Variants in MDGA2 observed in about 807,000 individuals in gnomAD.
MDGA2 encodes MAM domain containing glycosylphosphatidylinositol anchor 2.
Under a neutral mutation model 117.8 loss-of-function variants are expected in MDGA2, and 40 were observed. The observed-to-expected ratio is 0.34, with a 90% CI of 0.26 to 0.44. The LOEUF is 0.44. Ranked by LOEUF, MDGA2 falls within the 20% of genes least tolerant of loss-of-function variation. The pLI is 1.00. For missense variants in MDGA2, 1,123 were observed against 1,250.6 expected (o/e 0.90, Z 1.54); for synonymous variants, 452 against 439.0 (o/e 1.03, Z -0.37).
intron 3 of MDGA2, among the ~76,000 whole-genome samples, chr14:47,144,884 A>C (rs967552360): frequency 4.0e-5 from 6 of 149,354 alleles, no homozygotes; most frequent in African/African-American, 7.5e-5. Flanking sequence ...TCCTGGCTTC[A>C]AGCGATCCTC....
intron 1 of MDGA2, among the ~76,000 whole-genome samples, chr14:47,426,698 T>TTATATA (rs10640741): frequency 2.0e-4 from 29 of 146,378 alleles, no homozygotes; most frequent in African/African-American, 6.9e-4. Flanking sequence ...TATATATCAT[T>TTATATA]TATATATATA....
chr14:47,621,263 C>T (rs1268782818), intron 1 of MDGA2, among the ~76,000 whole-genome samples: 1 of 152,086 alleles, frequency 6.6e-6, no homozygotes, highest in Non-Finnish European at 1.5e-5. Context: ...AATTACTATT[C>T]TCCCTTCTTC....
chr14:47,652,874 A>C (rs925915453), intron 1 of MDGA2, among the ~76,000 whole-genome samples: 9 of 152,174 alleles, frequency 5.9e-5, no homozygotes, highest in Admixed American at 2.0e-4. Flanking sequence ...ACTATAACTC[A>C]GAGTCAGAAA....
chr14:47,236,393 G>C (rs556188876), intron 2 of MDGA2, among the ~76,000 whole-genome samples: 32 of 152,168 alleles, frequency 2.1e-4, no homozygotes, highest in African/African-American at 7.0e-4. Flanking sequence ...AAGCCTAGTA[G>C]GAAATGTGTA....
chr14:47,082,453 G>A (rs1890742176), intron 6 of MDGA2, among the ~76,000 whole-genome samples: 1 of 151,958 alleles, frequency 6.6e-6, no homozygotes, highest in Non-Finnish European at 1.5e-5. Context: ...ATGGTCCAGA[G>A]TACTCGACTG....
intron 3 of MDGA2, among the ~76,000 whole-genome samples, chr14:47,210,890 G>A (rs1225714162): frequency 2.7e-5 from 4 of 148,954 alleles, no homozygotes; most frequent in Admixed American, 6.6e-5. Flanking sequence ...AGCCTGAGGG[G>A]GAGGATCCCT....
At chr14:46,977,188 C>G (rs766073128) in intron 8 of MDGA2, among the ~76,000 whole-genome samples, 31 of 151,540 alleles carry the variant, frequency 2.0e-4, no homozygotes, top group Admixed American at 1.9e-3. Flanking sequence ...AAAATTAACT[C>G]TAGAAATTTC....
chr14:46,899,807 G>A (rs949302550), intron 10 of MDGA2, among the ~76,000 whole-genome samples: 1 of 151,988 alleles, frequency 6.6e-6, no homozygotes, highest in Non-Finnish European at 1.5e-5. Flanking sequence ...CCAACAGATA[G>A]GCTGAATTGC....
intron 2 of MDGA2, among the ~76,000 whole-genome samples, chr14:47,224,972 A>G (rs1351970564): frequency 6.6e-6 from 1 of 152,204 alleles, no homozygotes; most frequent in East Asian, 1.9e-4. Flanking sequence ...TTTTTAATAA[A>G]TTGTATCAGT....
Position 46,882,037 on chromosome 14 carries a change from T to C in MDGA2, c.2416+7A>G, listed in dbSNP as rs1286855203. Reference sequence around the variant, plus strand: ...AAATAAATAATTTTAAATGAAAGGCTACTTACCACTATATTTGATCACACG... The same window carrying C: ...AAATAAATAATTTTAAATGAAAGGCCACTTACCACTATATTTGATCACACG... On this transcript the variant is annotated splice_region_variant and intron_variant, in intron 11 of 16. Coordinates refer to ENST00000399232, the MANE Select transcript of MDGA2 (RefSeq NM_001113498.3). 6 of 1,551,178 alleles carry C rather than the reference T, an allele frequency of 3.9e-6. No individual in the cohort carries two copies. In the African/African-American group the frequency reaches 5.5e-5, roughly 14 times the overall value.
chr14:46,922,246 T>C (rs1884160961), intron 9 of MDGA2, among the ~76,000 whole-genome samples: 2 of 152,306 alleles, frequency 1.3e-5, no homozygotes, highest in South Asian at 4.1e-4. Flanking sequence ...GTTCTACCAA[T>C]GACCTTTGAA....
At chr14:47,608,939 T>C (rs529367475) in intron 1 of MDGA2, among the ~76,000 whole-genome samples, 1 of 151,952 alleles carries the variant, frequency 6.6e-6, no homozygotes, top group African/African-American at 2.4e-5. Context: ...AAAAAGGGAG[T>C]CAAGGTTTTT....
rs766845339 is a variant in MDGA2 at position 47,674,760 on chromosome 14, G to A, written c.37C>T (p.Arg13Cys). 7 of 706,946 alleles carry A rather than the reference G, an allele frequency of 9.9e-6. No individual in the cohort carries two copies. Among genetic ancestry groups the A allele is most frequent in the Admixed American group, 2.1e-5 (1 of 46,846 alleles). 43.8% of individuals were successfully genotyped at this position (706,946 alleles called of 1,614,324 possible). Reference protein sequence around the residue: ...VWSAGLLRSARRRRRGRTDGR... With the variant: ...VWSAGLLRSACRRRRGRTDGR... ...TCTGTCCTTCCCCGGCGGCGGCGGC[G>A]AGCGGAGCGCAGGAGCCCCGCACTC... The change falls in exon 1 of 17, where the codon CGC becomes TGC. Residue 13 changes from arginine (R) to cysteine (C), a missense_variant. Physicochemically the swap from Arg to Cys is radical, Grantham distance 180. Transcript: ENST00000399232.
At chr14:47,155,354 G>T (rs1244410729) in intron 3 of MDGA2, among the ~76,000 whole-genome samples, 1 of 152,004 alleles carries the variant, frequency 6.6e-6, no homozygotes, top group African/African-American at 2.4e-5. Context: ...CATTGCGGAT[G>T]ATGAGAAGAA....
At chr14:47,012,206 C>A (rs544014991) in intron 8 of MDGA2, among the ~76,000 whole-genome samples, 78 of 152,186 alleles carry the variant, frequency 5.1e-4, no homozygotes, top group African/African-American at 1.8e-3. Flanking sequence ...AAAATCTCTT[C>A]TCTATAAACT....
At chr14:47,177,320 T>G (rs564859486) in intron 3 of MDGA2, among the ~76,000 whole-genome samples, 25 of 152,298 alleles carry the variant, frequency 1.6e-4, no homozygotes, top group African/African-American at 5.8e-4. Flanking sequence ...CAAAGGATTA[T>G]AAATCATGCT....
At chr14:47,235,094 C>T (rs890700666) in intron 2 of MDGA2, among the ~76,000 whole-genome samples, 1 of 152,060 alleles carries the variant, frequency 6.6e-6, no homozygotes, top group African/African-American at 2.4e-5. Flanking sequence ...TATTGTCTTC[C>T]AAATTGCTTA....
chr14:47,182,786 T>C (rs1312415929), intron 3 of MDGA2, among the ~76,000 whole-genome samples: 1 of 152,214 alleles, frequency 6.6e-6, no homozygotes, highest in Non-Finnish European at 1.5e-5. Flanking sequence ...TATTTTCTGC[T>C]TTCCTAATGA....
intron 5 of MDGA2, among the ~76,000 whole-genome samples, chr14:47,128,354 CTTAA>C (rs1271026245): frequency 2.0e-5 from 3 of 152,072 alleles, no homozygotes; most frequent in Admixed American, 6.5e-5. Flanking sequence ...AAAGTGGTAA[CTTAA>C]TTAATAATAT....
Sources: gnomAD v4.1 joint callset for allele counts (sites outside exome capture counted in the v4.1 genomes callset) on GRCh38, gnomAD v4.1.1 for gene constraint, MANE v1.5 for transcripts, NCBI Gene and HGNC (gene_info 2026-07-23, HGNC 2026-07-21) for gene names.